PCDH15: variants seen among roughly 807,000 people sequenced by gnomAD.
PCDH15 encodes protocadherin related 15, also known as protocadherin-15.
In PCDH15, 129 loss-of-function variants were observed where a neutral mutation model predicts 178.5. The observed-to-expected ratio is 0.72, with a 90% CI of 0.63 to 0.84. The LOEUF is 0.84. PCDH15 is among the 40% of genes least tolerant of loss of function. The pLI is 0.00. For synonymous variants in PCDH15, 800 were observed against 732.0 expected (o/e 1.09, Z -1.50); for missense variants, 2,230 against 2,099.9 (o/e 1.06, Z -1.21).
intron 25 of PCDH15, among the ~76,000 whole-genome samples, chr10:53,907,646 T>G (rs1340045601): frequency 6.6e-6 from 1 of 152,216 alleles, no homozygotes; most frequent in Non-Finnish European, 1.5e-5. Context: ...CTAGAACTTT[T>G]GGCTTTAGTA....
chr10:54,873,172 T>TTCC (rs1363503462), intron 3 of PCDH15, among the ~76,000 whole-genome samples: 1 of 152,088 alleles, frequency 6.6e-6, no homozygotes, highest in Non-Finnish European at 1.5e-5. Flanking sequence ...AAAAAGGGGA[T>TTCC]ATGTTTTTTA....
intron 9 of PCDH15, among the ~76,000 whole-genome samples, chr10:54,226,080 C>A (rs1186570270): frequency 6.6e-6 from 1 of 152,134 alleles, no homozygotes; most frequent in Non-Finnish European, 1.5e-5. Flanking sequence ...ATTGATTATG[C>A]AAATTTGTTG....
intron 2 of PCDH15, among the ~76,000 whole-genome samples, chr10:55,517,832 T>A (rs1482696096): frequency 6.6e-6 from 1 of 151,958 alleles, no homozygotes; most frequent in East Asian, 1.9e-4. Context: ...CTATTAATAC[T>A]GACAAACATT....
At chr10:54,359,476 T>A (rs1945641898) in intron 5 of PCDH15, among the ~76,000 whole-genome samples, 1 of 152,136 alleles carries the variant, frequency 6.6e-6, no homozygotes. Flanking sequence ...TTTAAATAAA[T>A]AATGTAAAAT....
intron 2 of PCDH15, among the ~76,000 whole-genome samples, chr10:54,902,262 A>G (rs954617913): frequency 3.3e-5 from 5 of 152,188 alleles, no homozygotes; most frequent in African/African-American, 1.2e-4. Context: ...TCCTATTTGA[A>G]AGAGCTGATA....
chr10:54,698,417 G>A (rs971174117), intron 1 of PCDH15, among the ~76,000 whole-genome samples: 2 of 152,072 alleles, frequency 1.3e-5, no homozygotes, highest in Non-Finnish European at 2.9e-5. Context: ...ATAGTTTAGT[G>A]CTGTATAGAT....
chr10:54,812,551 C>T (rs2133730617), intron 3 of PCDH15, among the ~76,000 whole-genome samples: 1 of 152,080 alleles, frequency 6.6e-6, no homozygotes, highest in African/African-American at 2.4e-5. Context: ...TTCCGCCTCC[C>T]CGGTTCAAGT....
intron 2 of PCDH15, among the ~76,000 whole-genome samples, chr10:55,581,044 C>T (rs1029146817): frequency 1.3e-5 from 2 of 152,146 alleles, no homozygotes; most frequent in African/African-American, 4.8e-5. Flanking sequence ...TCAGTGATTC[C>T]TTTGGAATCC....
At chr10:54,983,035 G>A (rs1839280255) in intron 2 of PCDH15, among the ~76,000 whole-genome samples, 1 of 152,050 alleles carries the variant, frequency 6.6e-6, no homozygotes, top group African/African-American at 2.4e-5. Flanking sequence ...TACAAGTTAT[G>A]TTCTGAACAA....
chr10:55,530,767 C>A (rs1283937137), intron 2 of PCDH15, among the ~76,000 whole-genome samples: 1 of 151,758 alleles, frequency 6.6e-6, no homozygotes, highest in Admixed American at 6.6e-5. Context: ...TTATTTTAAG[C>A]TATCTAAATA....
chr10:54,763,749 TATAA>T (rs1387953704), intron 1 of PCDH15, among the ~76,000 whole-genome samples: 7 of 118,040 alleles, frequency 5.9e-5, no homozygotes, highest in African/African-American at 1.1e-4. Flanking sequence ...AGTTGTACTA[TATAA>T]ATATATATAT....
chr10:54,477,859 A>T (rs1268987767), intron 3 of PCDH15, among the ~76,000 whole-genome samples: 1 of 152,184 alleles, frequency 6.6e-6, no homozygotes. Flanking sequence ...CTGGGATTAC[A>T]GGCATGAGCT....
At chr10:54,656,831 C>T (rs1009969136) in intron 2 of PCDH15, among the ~76,000 whole-genome samples, 3 of 152,064 alleles carry the variant, frequency 2.0e-5, no homozygotes, top group African/African-American at 4.8e-5. Context: ...CACCGGCAGC[C>T]GGGAATGGAT....
chr10:54,660,515 A>T (rs1253444020), intron 2 of PCDH15, among the ~76,000 whole-genome samples: 1 of 152,150 alleles, frequency 6.6e-6, no homozygotes, highest in African/African-American at 2.4e-5. Flanking sequence ...ACAGATTAAC[A>T]GCCAAACTTT....
chr10:55,469,953 T>C (rs1390756803), intron 2 of PCDH15, among the ~76,000 whole-genome samples: 3 of 152,146 alleles, frequency 2.0e-5, no homozygotes, highest in Non-Finnish European at 2.9e-5. Flanking sequence ...TTTCATGGAT[T>C]TGTTTTTTCC....
At chr10:54,986,185 G>A (rs1188570659) in intron 2 of PCDH15, among the ~76,000 whole-genome samples, 1 of 152,104 alleles carries the variant, frequency 6.6e-6, no homozygotes, top group Non-Finnish European at 1.5e-5. Context: ...AGGGCATCAA[G>A]GGAAGTGTTA....
intron 2 of PCDH15, among the ~76,000 whole-genome samples, chr10:55,617,553 C>A (rs1011445788): frequency 5.3e-5 from 8 of 152,006 alleles, no homozygotes; most frequent in South Asian, 2.1e-4. Flanking sequence ...TCTGACATAA[C>A]CAGATAATTC....
intron 37 of PCDH15, among the ~76,000 whole-genome samples, chr10:53,807,834 CT>C (rs1841301524): frequency 1.3e-5 from 2 of 152,060 alleles, no homozygotes; most frequent in Non-Finnish European, 2.9e-5. Flanking sequence ...CTAAACTTTC[CT>C]TTTGTAAGCA....
intron 9 of PCDH15, among the ~76,000 whole-genome samples, chr10:54,234,000 G>C (rs931456080): frequency 5.3e-5 from 8 of 152,126 alleles, no homozygotes; most frequent in East Asian, 1.9e-4. Flanking sequence ...ATGGAAGCAG[G>C]AGAGGAGTCG....
Sources: allele counts gnomAD v4.1 joint callset (sites outside exome capture counted in the v4.1 genomes callset), GRCh38; gene constraint gnomAD v4.1.1; transcripts MANE v1.5; gene names NCBI Gene and HGNC (gene_info 2026-07-23, HGNC 2026-07-21).